Variants in PLCB1 observed in about 807,000 individuals in gnomAD.
PLCB1 encodes the protein phospholipase C beta 1.
Under a neutral mutation model 161.8 loss-of-function variants are expected in PLCB1, and 46 were observed. The observed-to-expected ratio is 0.28, with a 90% CI of 0.22 to 0.36. The LOEUF is 0.36. Among genes scored for constraint, PLCB1 ranks in the 10% least tolerant of loss-of-function variants. PLCB1 has a pLI of 1.00. For missense variants in PLCB1, 1,016 were observed against 1,472.5 expected, an observed-to-expected ratio of 0.69 and a Z score of 5.07; for synonymous variants, 517 against 503.7, an observed-to-expected ratio of 1.03 and a Z score of -0.35.
At chr20:8,362,460 A>G (rs1228761406) in intron 2 of PLCB1, among the ~76,000 whole-genome samples, 1 of 152,214 alleles carries the variant, frequency 6.6e-6, no homozygotes, top group East Asian at 1.9e-4. Context: ...ATGCAACTAT[A>G]CCATAAATAC....
intron 3 of PLCB1, among the ~76,000 whole-genome samples, chr20:8,520,439 T>G (rs1044243430): frequency 3.9e-5 from 6 of 152,184 alleles, no homozygotes. Flanking sequence ...AACTGATTTT[T>G]TTTTCTTTGT....
chr20:8,558,962 T>C (rs189756653), intron 3 of PLCB1, among the ~76,000 whole-genome samples: 2 of 151,926 alleles, frequency 1.3e-5, no homozygotes, highest in Admixed American at 1.3e-4. Context: ...CAGGATGTAA[T>C]GTCAGCAAAC....
chr20:8,279,310 A>C (rs1229820053), intron 2 of PLCB1, among the ~76,000 whole-genome samples: 1 of 152,224 alleles, frequency 6.6e-6, no homozygotes, highest in Non-Finnish European at 1.5e-5. Flanking sequence ...AAGCCATGAA[A>C]GTCTGATATT....
intron 1 of PLCB1, among the ~76,000 whole-genome samples, chr20:8,148,242 T>A (rs979125529): frequency 3.3e-5 from 5 of 152,226 alleles, no homozygotes; most frequent in African/African-American, 9.6e-5. Context: ...ACTGAAAATA[T>A]TGCTATGATT....
At chr20:8,801,112 G>T (rs1984260031) in intron 31 of PLCB1, among the ~76,000 whole-genome samples, 1 of 152,092 alleles carries the variant, frequency 6.6e-6, no homozygotes, top group South Asian at 2.1e-4. Flanking sequence ...CACTTTTGCT[G>T]CATTTTTTCT....
intron 2 of PLCB1, among the ~76,000 whole-genome samples, chr20:8,254,413 G>GGATTAGT (rs1981308928): frequency 6.6e-6 from 1 of 151,886 alleles, no homozygotes; most frequent in African/African-American, 2.4e-5. Flanking sequence ...ATCCAAACTA[G>GGATTAGT]GATTAGTAGA....
chr20:8,134,076 A>G (rs1380555995), intron 1 of PLCB1, among the ~76,000 whole-genome samples: 1 of 152,252 alleles, frequency 6.6e-6, no homozygotes, highest in Non-Finnish European at 1.5e-5. Flanking sequence ...TGCTGTAGGC[A>G]AGGATGTAAA....
At chr20:8,710,357 A>G (rs1237027947) in intron 12 of PLCB1, among the ~76,000 whole-genome samples, 2 of 152,098 alleles carry the variant, frequency 1.3e-5, no homozygotes, top group Non-Finnish European at 2.9e-5. Context: ...AATCTCCCCC[A>G]TGATCCAATC....
intron 2 of PLCB1, among the ~76,000 whole-genome samples, chr20:8,196,928 T>C (rs1392131863): frequency 6.6e-6 from 1 of 152,036 alleles, no homozygotes; most frequent in South Asian, 2.1e-4. Flanking sequence ...GTTTGGTTTT[T>C]TGTCCTTGAG....
At chr20:8,821,032 G>A (rs551111454) in intron 31 of PLCB1, among the ~76,000 whole-genome samples, 1 of 152,210 alleles carries the variant, frequency 6.6e-6, no homozygotes, top group African/African-American at 2.4e-5. Context: ...GAGGAGTCAG[G>A]GAAGGAGAGA....
chr20:8,220,319 T>C lies in PLCB1; in HGVS notation c.177+69948T>C, dbSNP rs1380940905. 2.6e-5 allele frequency among the ~76,000 whole-genome samples: 4 copies of C among 152,086 alleles called. No homozygotes were observed. In the East Asian group the frequency reaches 7.7e-4, roughly 29 times the overall value. ...ATTCCACAAAAACAACAGAATCAGA[T>C]TAGGGCTTATTCAGAGAGAAATGAT... On this transcript the variant is annotated intron_variant, in intron 2 of 31. Coordinates refer to ENST00000338037, the MANE Select transcript of PLCB1 (RefSeq NM_015192.4).
Position 8,629,947 on chromosome 20 carries a change from TTTC to T in PLCB1, c.384+1519_384+1521del, listed in dbSNP as rs1200173799. Among the ~76,000 whole-genome samples the T allele has an allele frequency of 1.2e-3, 170 of 137,878 alleles. 4 individuals carry two copies. The highest frequency in any genetic ancestry group is 4.9e-3 in the African/African-American group (162 of 33,086). 90.5% of individuals were successfully genotyped at this position (137,878 alleles called of 152,430 possible). ...CTCTCTTCTTTCCTTTCTTTCTCTC[TTTC>T]TTTTCTTTCTTTCTTCTTTCTTTCT... On this transcript the variant is annotated intron_variant, in intron 4 of 31. Coordinates refer to ENST00000338037, the MANE Select transcript of PLCB1 (RefSeq NM_015192.4).
intron 3 of PLCB1, among the ~76,000 whole-genome samples, chr20:8,477,882 G>T (rs551755651): frequency 6.6e-6 from 1 of 152,168 alleles, no homozygotes; most frequent in Non-Finnish European, 1.5e-5. Context: ...TCGGCTTAAC[G>T]TTTGGATGGG....
chr20:8,802,045 T>C, intron 31 of PLCB1: 8 of 1,519,990 alleles, frequency 5.3e-6, no homozygotes, highest in East Asian at 2.2e-5. Flanking sequence ...CCTCCCTTTT[T>C]TTCCACACAG....
intron 1 of PLCB1, among the ~76,000 whole-genome samples, chr20:8,146,498 C>A (rs1289294075): frequency 6.6e-6 from 1 of 152,194 alleles, no homozygotes; most frequent in Non-Finnish European, 1.5e-5. Context: ...ACTATTCAGT[C>A]AGGGATTTTT....
At chr20:8,655,329 T>C (rs58942245) in intron 7 of PLCB1, among the ~76,000 whole-genome samples, 13,792 of 152,150 alleles carry the variant, frequency 0.091, 1,253 homozygotes, top group African/African-American at 0.23. Flanking sequence ...ATTTAGTAAA[T>C]ATTTATTTAT....
At chr20:8,709,582 C>T (rs141734387) in intron 12 of PLCB1, among the ~76,000 whole-genome samples, 134 of 152,280 alleles carry the variant, frequency 8.8e-4, no homozygotes, top group African/African-American at 2.1e-3. Flanking sequence ...GGTCACTGAG[C>T]CTCTTTGTCC....
At chr20:8,751,959 T>C (rs997139633) in intron 23 of PLCB1, 2 of 152,212 alleles carry the variant, frequency 1.3e-5, no homozygotes, top group African/African-American at 4.8e-5. Flanking sequence ...GCACTTTGGC[T>C]TACAGATCCA....
intron 2 of PLCB1, among the ~76,000 whole-genome samples, chr20:8,332,516 A>G (rs968037368): frequency 1.3e-5 from 2 of 152,228 alleles, no homozygotes; most frequent in African/African-American, 4.8e-5. Context: ...AGTGCTTTCC[A>G]TGTTGCATCT....
Sources: gnomAD v4.1 joint callset for allele counts (sites outside exome capture counted in the v4.1 genomes callset) on GRCh38, gnomAD v4.1.1 for gene constraint, MANE v1.5 for transcripts, NCBI Gene and HGNC (gene_info 2026-07-23, HGNC 2026-07-21) for gene names.